Variants in GFPT2 observed in about 807,000 individuals in gnomAD.
GFPT2 encodes glutamine--fructose-6-phosphate transaminase 2.
Under a neutral mutation model 85.6 loss-of-function variants are expected in GFPT2, and 62 were observed. The ratio of observed to expected loss-of-function variants is 0.72; its 90% CI spans 0.59 to 0.90. The LOEUF (loss-of-function observed/expected upper bound fraction) is 0.90, where lower values mean the gene tolerates loss of function less well. Among genes scored for constraint, GFPT2 ranks in the 40% least tolerant of loss-of-function variants. The pLI, the probability that GFPT2 is intolerant of heterozygous loss-of-function variation, is 0.00. For missense variants in GFPT2, 788 were observed against 893.4 expected (o/e 0.88, Z 1.50); for synonymous variants, 368 against 344.5 (o/e 1.07, Z -0.75).
At chr5:180,305,678 TGC>T (rs1561871097) in intron 16 of GFPT2, among the ~76,000 whole-genome samples, 14 of 151,934 alleles carry the variant, frequency 9.2e-5, no homozygotes, top group Non-Finnish European at 1.9e-4. Context: ...AGCAGACTCA[TGC>T]GGAGGCATAG....
chr5:180,338,462 C>A, intron 2 of GFPT2, 31 bp downstream of exon 2: 1 of 1,270,496 alleles, frequency 7.9e-7, no homozygotes, highest in Non-Finnish European at 1.1e-6. Context: ...AGCCCGGTCC[C>A]CAGCCACGAG....
In GFPT2 at chr5:180,317,037, T is replaced by A; in HGVS notation, c.980A>T (p.Gln327Leu). ...TTCTGGCTGTTCGAAGATCTCCTTCTGCATAAACGCACTGAAGTTACCTGG... is the reference window on the plus strand; with the variant it reads ...TTCTGGCTGTTCGAAGATCTCCTTCAGCATAAACGCACTGAAGTTACCTGG... Reference protein sequence around the residue: ...IMKGNFSAFMQKEIFEQPESV... With the variant: ...IMKGNFSAFMLKEIFEQPESV... The change falls in exon 11 of 19, where the codon CAG becomes CTG. Residue 327 changes from glutamine (Q) to leucine (L), a missense_variant. Gln to Leu is a moderately radical substitution (Grantham distance 113). Coordinates refer to ENST00000253778, the MANE Select transcript of GFPT2 (RefSeq NM_005110.4). 6.2e-7 allele frequency: 1 copy of A among 1,607,854 alleles called. No individual in the cohort carries two copies. Among genetic ancestry groups the A allele is most frequent in the East Asian group, 2.2e-5 (1 of 44,864 alleles).
In GFPT2 at chr5:180,316,820, G is replaced by T. The variant is rs755563095; in HGVS notation, c.1096C>A (p.Arg366=). The T allele has an allele frequency of 1.2e-6, 2 of 1,613,778 alleles. No homozygotes were observed. The highest frequency in any genetic ancestry group is 2.7e-5 in the African/African-American group (2 of 74,914). The change falls in exon 12 of 19, where the codon CGA becomes AGA. Residue 366 remains arginine, a synonymous_variant. Transcript: ENST00000253778. ...CCAATCACGATGAGCCGTCGGCATC[G>T]TCGAATCTCCTTCAAGTGGTCCTTC... ...GLKDHLKEIR[R]CRRLIVIGCG...
At chr5:180,303,865 T>G (rs1763724238) in intron 17 of GFPT2, among the ~76,000 whole-genome samples, 1 of 152,182 alleles carries the variant, frequency 6.6e-6, no homozygotes, top group Admixed American at 6.5e-5. Context: ...AGGTGACGAC[T>G]CGTGGTGGGC....
intron 1 of GFPT2, among the ~76,000 whole-genome samples, chr5:180,347,532 G>A (rs1490515467): frequency 1.3e-5 from 2 of 152,188 alleles, no homozygotes; most frequent in Admixed American, 6.5e-5. Context: ...TGAGCCCTCC[G>A]AGAGGAGACT....
intron 9 of GFPT2, among the ~76,000 whole-genome samples, chr5:180,321,320 G>T (rs766438542): frequency 6.6e-6 from 1 of 152,194 alleles, no homozygotes; most frequent in Non-Finnish European, 1.5e-5. Context: ...TTATATTTAT[G>T]TGTGCATGTA....
chr5:180,317,758 CAAAAA>C (rs11356791), intron 10 of GFPT2, among the ~76,000 whole-genome samples: 1 of 83,202 alleles, frequency 1.2e-5, no homozygotes, highest in Admixed American at 1.3e-4. Context: ...GACTCCGTCT[CAAAAA>C]AAAAAAAAAA....
intron 4 of GFPT2, among the ~76,000 whole-genome samples, chr5:180,334,425 G>A (rs536645650): frequency 7.4e-4 from 112 of 152,280 alleles, no homozygotes; most frequent in Non-Finnish European, 1.1e-3. Context: ...ACACTGCCTC[G>A]GAGAACCACT....
intron 1 of GFPT2, among the ~76,000 whole-genome samples, chr5:180,343,234 C>G (rs191206486): frequency 2.6e-5 from 4 of 152,322 alleles, no homozygotes; most frequent in Non-Finnish European, 4.4e-5. Context: ...GCAACTCCCC[C>G]CTGCAGCTCC....
At chr5:180,316,933 C>A in intron 11 of GFPT2, 30 bp downstream of exon 11, 1 of 1,554,466 alleles carries the variant, frequency 6.4e-7, no homozygotes, top group Non-Finnish European at 8.9e-7. Flanking sequence ...TAGGCTCGGG[C>A]GGAGGCTCCC....
chr5:180,322,880 C>A (rs970012276), intron 9 of GFPT2, among the ~76,000 whole-genome samples: 14 of 151,734 alleles, frequency 9.2e-5, no homozygotes, highest in African/African-American at 3.4e-4. Flanking sequence ...ACTAAAAATA[C>A]AAAAAATTAG....
Position 180,328,742 on chromosome 5 carries a change from C to A in GFPT2, c.535-404G>T, listed in dbSNP as rs1292224537. Among the ~76,000 whole-genome samples, 1 of 152,190 alleles carries A rather than the reference C, an allele frequency of 6.6e-6. No individual in the cohort carries two copies. The highest frequency in any genetic ancestry group is 6.5e-5 in the Admixed American group (1 of 15,276). On this transcript the variant is annotated intron_variant, in intron 6 of 18. Coordinates refer to ENST00000253778, the MANE Select transcript of GFPT2 (RefSeq NM_005110.4). This position sits in a 1 kb window ranked among gnomAD's most constrained non-coding sequence, Gnocchi z 5.4. Reference sequence around the variant, plus strand: ...ACTTTAGCTCAACACACGGTAGGGCCTGGGTTCAAATCCTGGCTCCACCCC... The same window carrying A: ...ACTTTAGCTCAACACACGGTAGGGCATGGGTTCAAATCCTGGCTCCACCCC...
At chr5:180,331,697 C>T (rs907757018) in intron 4 of GFPT2, 144 bp from the exon 5 acceptor site, 40 of 672,266 alleles carry the variant, frequency 6.0e-5, no homozygotes, top group Non-Finnish European at 1.0e-4. Context: ...CAGTGATTAG[C>T]ACAGATGTTT....
chr5:180,350,546 A>G (rs1166663016), intron 1 of GFPT2, among the ~76,000 whole-genome samples: 1 of 152,116 alleles, frequency 6.6e-6, no homozygotes, highest in Non-Finnish European at 1.5e-5. Context: ...TGAGGGGAGG[A>G]CCACACCCAT....
rs569123882 is a variant in GFPT2, at chr5:180,315,199, A to G, written c.1273+1142T>C. 1.3e-4 allele frequency among the ~76,000 whole-genome samples: 19 copies of G among 144,742 alleles called. 1 individual carries two copies. In the South Asian group the frequency reaches 4.2e-3, roughly 32 times the overall value. 95.0% of individuals were successfully genotyped at this position (144,742 alleles called of 152,430 possible). ...TCTTTTTCTTTTTTTTTTTTTTGAG[A>G]CGGAGTCTCGCTCTGTCGCCCAGGC... On this transcript the variant is annotated intron_variant, in intron 13 of 18. Coordinates refer to ENST00000253778, the MANE Select transcript of GFPT2 (RefSeq NM_005110.4).
chr5:180,352,480 C>T, intron 1 of GFPT2: 1 of 451,962 alleles, frequency 2.2e-6, no homozygotes, highest in South Asian at 1.6e-5. Flanking sequence ...GCCCTCCCCA[C>T]GGTCCCGCAG....
rs994368151 is a variant in GFPT2, at chr5:180,304,823, A to T, written c.1791T>A (p.Asp597Glu). ...CGTTCTGGCATTTGGCGAAGCAAGGATCCTTCATAATGACCATGATGACGG... is the reference window on the plus strand; with the variant it reads ...CGTTCTGGCATTTGGCGAAGCAAGGTTCCTTCATAATGACCATGATGACGG... ...QMPVIMVIMK[D>E]PCFAKCQNAL... is the part of the protein sequence containing the mutation. Residue 597 changes from aspartate to glutamate, a missense_variant, in exon 17 of 19, where the codon GAT (aspartate) becomes GAA (glutamate). Transcript: ENST00000253778. 1 of 1,614,074 alleles carries T rather than the reference A, an allele frequency of 6.2e-7. No individual in the cohort carries two copies. Among genetic ancestry groups the T allele is most frequent in the South Asian group, 1.1e-5 (1 of 91,082 alleles).
chr5:180,307,344 C>T (rs925001233), intron 15 of GFPT2, 41 bp from the exon 16 acceptor site: 21 of 1,608,322 alleles, frequency 1.3e-5, no homozygotes, highest in Middle Eastern at 1.6e-4. Flanking sequence ...CCAGTCAGGC[C>T]GACTTTAAAG....
At chr5:180,334,454 G>C (rs72811045) in intron 4 of GFPT2, among the ~76,000 whole-genome samples, 20,769 of 152,258 alleles carry the variant, frequency 0.14, 1,736 homozygotes, top group East Asian at 0.19. Context: ...GTGGGTGGGG[G>C]ACACCAAGCA....
Sources: allele counts gnomAD v4.1 joint callset (sites outside exome capture counted in the v4.1 genomes callset), GRCh38; gene constraint gnomAD v4.1.1; non-coding constraint Gnocchi (gnomAD v3.1); transcripts MANE v1.5; gene names NCBI Gene and HGNC (gene_info 2026-07-23, HGNC 2026-07-21).